DIAPH2: variants seen among roughly 807,000 people sequenced by gnomAD.
DIAPH2 encodes the protein diaphanous related formin 2.
In DIAPH2, 35 loss-of-function variants were observed where a neutral mutation model predicts 92.7. That is an observed-to-expected ratio of 0.38 (90% CI 0.29 to 0.50). DIAPH2 has a LOEUF of 0.50. Among genes scored for constraint, DIAPH2 ranks in the 20% least tolerant of loss-of-function variants. DIAPH2 has a pLI of 0.94. For missense variants in DIAPH2, 701 were observed against 819.5 expected (o/e 0.86, Z 1.77); for synonymous variants, 301 against 280.4 (o/e 1.07, Z -0.73).
At chrX:96,714,251 A>G (rs1261583578) in intron 1 of DIAPH2, among the ~76,000 whole-genome samples, 1 of 108,521 alleles carries the variant, frequency 9.2e-6, no homozygotes, top group Non-Finnish European at 1.9e-5. Flanking sequence ...CACGTATCAT[A>G]AGTTTGTGTG....
intron 11 of DIAPH2, among the ~76,000 whole-genome samples, chrX:96,937,702 T>C (rs767890211): frequency 8.9e-6 from 1 of 112,220 alleles, no homozygotes; most frequent in South Asian, 3.7e-4. Context: ...GGTGAAATAC[T>C]TATTCAGTTT....
chrX:96,841,651 T>C (rs139677761), intron 4 of DIAPH2, among the ~76,000 whole-genome samples: 1 of 111,860 alleles, frequency 8.9e-6, no homozygotes, highest in East Asian at 2.8e-4. Context: ...GCACTACCTA[T>C]CATTTCCTTT....
intron 4 of DIAPH2, among the ~76,000 whole-genome samples, chrX:96,792,676 G>A (rs1473863078): frequency 9.0e-6 from 1 of 111,582 alleles, no homozygotes. Context: ...AGAGGTTTGA[G>A]GATACTTTTT....
chrX:97,254,279 G>C (rs937376689), intron 23 of DIAPH2, among the ~76,000 whole-genome samples: 1 of 110,865 alleles, frequency 9.0e-6, no homozygotes, highest in African/African-American at 3.3e-5. Flanking sequence ...ATCACCTGAG[G>C]TCAGAAGTTC....
intron 21 of DIAPH2, among the ~76,000 whole-genome samples, chrX:97,119,838 T>C (rs2067042843): frequency 9.0e-6 from 1 of 111,315 alleles, no homozygotes; most frequent in Non-Finnish European, 1.9e-5. Flanking sequence ...AAGCCGGCAG[T>C]CACAGGCCTC....
intron 3 of DIAPH2, among the ~76,000 whole-genome samples, chrX:96,752,950 T>C (rs2064203018): frequency 1.8e-5 from 2 of 111,657 alleles, no homozygotes. Flanking sequence ...CTTACATTGC[T>C]CTTATTGTCC....
intron 11 of DIAPH2, among the ~76,000 whole-genome samples, chrX:96,938,823 C>T (rs2065674516): frequency 9.0e-6 from 1 of 111,549 alleles, no homozygotes; most frequent in South Asian, 3.7e-4. Flanking sequence ...ATTTTGTGAC[C>T]TCTTAGCAGT....
intron 23 of DIAPH2, among the ~76,000 whole-genome samples, chrX:97,283,258 A>G (rs1000952857): frequency 8.9e-6 from 1 of 111,887 alleles, no homozygotes; most frequent in African/African-American, 3.2e-5. Flanking sequence ...AACACATGAA[A>G]CTATTCATGG....
intron 17 of DIAPH2, among the ~76,000 whole-genome samples, chrX:97,020,466 A>T (rs1172824095): frequency 8.9e-6 from 1 of 112,389 alleles, no homozygotes; most frequent in African/African-American, 3.2e-5. Context: ...AACTCTGTAA[A>T]TACTATGTTT....
chrX:96,945,649 C>A, intron 14 of DIAPH2, 58 bp downstream of exon 14: 3 of 816,737 alleles, frequency 3.7e-6, no homozygotes, highest in Non-Finnish European at 5.1e-6. Flanking sequence ...CACAGTAATA[C>A]TCTACCTTCT....
chrX:97,505,546 C>T (rs1295842970), intron 26 of DIAPH2, among the ~76,000 whole-genome samples: 1 of 111,324 alleles, frequency 9.0e-6, no homozygotes, highest in Non-Finnish European at 1.9e-5. Context: ...ATTTTGAATC[C>T]ATTTGGATGT....
At chrX:97,051,967 GTTAA>G (rs1312175307) in intron 17 of DIAPH2, among the ~76,000 whole-genome samples, 1 of 111,962 alleles carries the variant, frequency 8.9e-6, no homozygotes, top group Non-Finnish European at 1.9e-5. Flanking sequence ...CAATTTATCT[GTTAA>G]TTCAAACAAT....
chrX:97,002,319 TCAGTGTC>T (rs2066150253), intron 17 of DIAPH2, among the ~76,000 whole-genome samples: 1 of 111,107 alleles, frequency 9.0e-6, no homozygotes, highest in Non-Finnish European at 1.9e-5. Context: ...TATGTTTGCA[TCAGTGTC>T]ATGTGGCCCA....
chrX:97,262,613 G>A (rs2147572152), intron 23 of DIAPH2, among the ~76,000 whole-genome samples: 1 of 111,932 alleles, frequency 8.9e-6, no homozygotes, highest in Non-Finnish European at 1.9e-5. Flanking sequence ...GAGGTTGTCG[G>A]GGTGATGAAT....
intron 26 of DIAPH2, among the ~76,000 whole-genome samples, chrX:97,440,610 A>AG (rs1299559007): frequency 4.6e-5 from 5 of 108,661 alleles, no homozygotes; most frequent in African/African-American, 1.7e-4. Context: ...AAAAAAAAAA[A>AG]AAAAAGAAAG....
At chrX:97,551,580 C>T (rs2071219673) in intron 26 of DIAPH2, among the ~76,000 whole-genome samples, 1 of 102,926 alleles carries the variant, frequency 9.7e-6, no homozygotes, top group South Asian at 4.4e-4. Flanking sequence ...GCAACAAGAA[C>T]GAGACTCCGT....
chrX:96,803,880 A>G (rs1023231665), intron 4 of DIAPH2, among the ~76,000 whole-genome samples: 1 of 111,396 alleles, frequency 9.0e-6, no homozygotes, highest in Non-Finnish European at 1.9e-5. Flanking sequence ...TCTACTAAAA[A>G]TACAAAAAAT....
chrX:96,878,197 T>C (rs1383399736), intron 4 of DIAPH2, among the ~76,000 whole-genome samples: 1 of 112,365 alleles, frequency 8.9e-6, no homozygotes, highest in Non-Finnish European at 1.9e-5. Context: ...TTGATTATAC[T>C]GAAGGTACTT....
chrX:97,130,635 C>T (rs2067131643), intron 21 of DIAPH2, among the ~76,000 whole-genome samples: 1 of 111,380 alleles, frequency 9.0e-6, no homozygotes, highest in Admixed American at 9.6e-5. Context: ...TAATGGGTAA[C>T]AGTTTCAGTA....
Sources: allele counts gnomAD v4.1 joint callset (sites outside exome capture counted in the v4.1 genomes callset), GRCh38; gene constraint gnomAD v4.1.1; transcripts MANE v1.5; gene names NCBI Gene and HGNC (gene_info 2026-07-23, HGNC 2026-07-21).